The following BANP variants were observed in gnomAD, a reference collection of about 807,000 sequenced individuals.
BANP encodes BTG3 associated nuclear protein.
A neutral mutation model predicts 68.1 loss-of-function variants in BANP; 11 were observed. That is an observed-to-expected ratio of 0.16 (90% CI 0.10 to 0.27). The LOEUF is 0.27. Ranked by LOEUF, BANP falls within the 10% of genes least tolerant of loss-of-function variation. The probability of loss-of-function intolerance (pLI) is 1.00; values close to 1 mark genes in which losing one functional copy is unlikely to be tolerated. For missense variants in BANP, 504 were observed against 722.7 expected, an observed-to-expected ratio of 0.70 and a Z score of 3.47; for synonymous variants, 329 against 303.2, an observed-to-expected ratio of 1.09 and a Z score of -0.88.
At chr16:87,954,349 C>A (rs1210224747) in intron 1 of BANP, among the ~76,000 whole-genome samples, 1 of 152,212 alleles carries the variant, frequency 6.6e-6, no homozygotes, top group Non-Finnish European at 1.5e-5. Flanking sequence ...TTCTTCCCAG[C>A]TCTCCTTTGT....
At chr16:88,072,250 G>A in intron 13 of BANP, 38 bp downstream of exon 13, 1 of 1,570,772 alleles carries the variant, frequency 6.4e-7, no homozygotes, top group Non-Finnish European at 8.6e-7. Context: ...CTGAAGTGAT[G>A]GCATGGCCGC....
intron 4 of BANP, among the ~76,000 whole-genome samples, chr16:87,987,169 C>G (rs1221424276): frequency 6.6e-6 from 1 of 152,238 alleles, no homozygotes; most frequent in East Asian, 1.9e-4. Flanking sequence ...ACCTCTGCCT[C>G]CCAGGCTCAA....
chr16:87,985,952 A>G (rs1337464906), intron 4 of BANP, among the ~76,000 whole-genome samples: 4 of 152,250 alleles, frequency 2.6e-5, no homozygotes, highest in African/African-American at 9.6e-5. Context: ...ATAGAGTAAG[A>G]TTCTGAGTTC....
chr16:87,992,243 A>C (rs1344182324), intron 4 of BANP, among the ~76,000 whole-genome samples: 1 of 152,060 alleles, frequency 6.6e-6, no homozygotes, highest in Non-Finnish European at 1.5e-5. Flanking sequence ...CTTTTGCTAT[A>C]CTGATCAGTT....
intron 1 of BANP, among the ~76,000 whole-genome samples, chr16:87,967,516 C>T (rs1336774912): frequency 1.3e-5 from 2 of 151,960 alleles, no homozygotes; most frequent in Non-Finnish European, 2.9e-5. Context: ...AGTGTAGTGG[C>T]ACTATCTCAG....
chr16:88,056,205 T>G (rs939498206), intron 11 of BANP, among the ~76,000 whole-genome samples: 3 of 152,246 alleles, frequency 2.0e-5, no homozygotes, highest in African/African-American at 7.2e-5. Flanking sequence ...TCTGAGAGTG[T>G]GGAGTGGCTG....
intron 4 of BANP, among the ~76,000 whole-genome samples, chr16:87,985,437 T>G (rs1163842700): frequency 6.6e-6 from 1 of 152,122 alleles, no homozygotes; most frequent in Non-Finnish European, 1.5e-5. Context: ...GTGTCCTCTG[T>G]GCAGGGACGC....
chr16:88,020,464 G>T (rs2075801948), intron 7 of BANP, among the ~76,000 whole-genome samples: 1 of 151,976 alleles, frequency 6.6e-6, no homozygotes, highest in Admixed American at 6.5e-5. Context: ...TGTGGAGTGC[G>T]TTGAGATATA....
intron 13 of BANP, among the ~76,000 whole-genome samples, chr16:88,072,912 C>G (rs1328909683): frequency 3.9e-5 from 6 of 152,276 alleles, no homozygotes; most frequent in African/African-American, 1.4e-4. Flanking sequence ...TACCTCCAGC[C>G]TGGTGGTTGG....
chr16:88,039,591 A>T (rs572516768), intron 11 of BANP, among the ~76,000 whole-genome samples: 1 of 142,172 alleles, frequency 7.0e-6, no homozygotes, highest in South Asian at 2.4e-4. Context: ...TTAAAGACAG[A>T]ACCAGCCTTT....
intron 4 of BANP, among the ~76,000 whole-genome samples, chr16:87,994,028 T>C (rs2066551408): frequency 6.6e-6 from 1 of 152,042 alleles, no homozygotes; most frequent in Non-Finnish European, 1.5e-5. Flanking sequence ...GATGCGGTGT[T>C]TGGAGGGCCC....
At chr16:87,980,388 A>G (rs2146011517) in intron 2 of BANP, 1 of 152,442 alleles carries the variant, frequency 6.6e-6, no homozygotes, top group African/African-American at 2.4e-5. Context: ...TCAGTTTTAG[A>G]GAAAAGGAAG....
intron 4 of BANP, among the ~76,000 whole-genome samples, chr16:87,986,937 T>C (rs1001529028): frequency 6.6e-6 from 1 of 152,172 alleles, no homozygotes; most frequent in Non-Finnish European, 1.5e-5. Flanking sequence ...ATTATTAATA[T>C]TGCTAATAAA....
rs111350348 is a variant in BANP at position 88,072,203 on chromosome 16, C to T, written c.1512C>T (p.Ala504=). Residue 504 remains alanine (A), a synonymous_variant, in exon 13 of 14, where the codon GCC becomes GCT. Transcript: ENST00000682872. ...VQLAPVSDHT[A]GAQTAEALQP... Reference sequence around the variant, plus strand: ...TGGCGCCAGTGAGTGACCACACGGCCGGGGCACAGGTGAGTCTGGGGCCCC... The same window carrying T: ...TGGCGCCAGTGAGTGACCACACGGCTGGGGCACAGGTGAGTCTGGGGCCCC... The T allele has an allele frequency of 1.8e-5, 29 of 1,609,834 alleles. No homozygotes were observed. Among genetic ancestry groups the T allele is most frequent in the Admixed American group, 8.3e-5 (5 of 59,920 alleles).
In BANP at chr16:88,018,261, A is replaced by G. The variant is rs2075053373; in HGVS notation, c.656-167A>G. Among the ~76,000 whole-genome samples the G allele has an allele frequency of 6.6e-6, 1 of 151,994 alleles. No homozygotes were observed. Among genetic ancestry groups the G allele is most frequent in the Admixed American group, 6.5e-5 (1 of 15,270 alleles). ...CCGCGTCAGTTCTTTCTTGGGCAGC[A>G]GTCGGAGGCTCCAGCGCTCTTGGTG... On this transcript the variant is annotated intron_variant, in intron 6 of 13. Coordinates refer to ENST00000682872, the MANE Select transcript of BANP (RefSeq NM_001386991.1). The surrounding 1 kb of genome is among the most constrained non-coding windows in gnomAD (Gnocchi z 7.7).
Position 88,002,390 on chromosome 16 carries a change from G to A in BANP, c.363-1905G>A, listed in dbSNP as rs1461781324. On this transcript the variant is annotated intron_variant, in intron 4 of 13. Coordinates refer to ENST00000682872, the MANE Select transcript of BANP (RefSeq NM_001386991.1). The surrounding 1 kb of genome is among the most constrained non-coding windows in gnomAD (Gnocchi z 4.6). ...GTGAGGTGCTGGTTTTGTCACGCCC[G>A]TGCTGGTGTTCAGGTGGCCCTGCGC... is the stretch of plus-strand genomic sequence containing the variant. Among the ~76,000 whole-genome samples the A allele has an allele frequency of 1.3e-5, 2 of 152,170 alleles. No homozygotes were observed. The highest frequency in any genetic ancestry group is 4.8e-5 in the African/African-American group (2 of 41,428).
rs111331882 is a variant in BANP, at chr16:88,034,372, G to A, written c.1201-951G>A. ...AGGAGTTTATTTTAAGATCCATTTC[G>A]ACTAAGAGAGAATTTCAAATAAGAT... On this transcript the variant is annotated intron_variant, in intron 9 of 13. Coordinates refer to ENST00000682872, the MANE Select transcript of BANP (RefSeq NM_001386991.1). 4.3e-3 allele frequency among the ~76,000 whole-genome samples: 653 copies of A among 152,224 alleles called. 5 individuals carry two copies. Among genetic ancestry groups the A allele is most frequent in the African/African-American group, 0.014 (589 of 41,528 alleles).
chr16:88,062,671 C>T (rs1331129344), intron 11 of BANP, among the ~76,000 whole-genome samples: 1 of 152,246 alleles, frequency 6.6e-6, no homozygotes, highest in African/African-American at 2.4e-5. Flanking sequence ...GAAGCCAGGA[C>T]ACCGTCCGTT....
chr16:88,068,070 C>T (rs571144022), intron 12 of BANP, among the ~76,000 whole-genome samples: 2 of 152,356 alleles, frequency 1.3e-5, no homozygotes, highest in African/African-American at 4.8e-5. Context: ...TGTGGCCACG[C>T]ACTTCGTTTC....
Sources: allele counts gnomAD v4.1 joint callset (sites outside exome capture counted in the v4.1 genomes callset), GRCh38; gene constraint gnomAD v4.1.1; non-coding constraint Gnocchi (gnomAD v3.1); transcripts MANE v1.5; gene names NCBI Gene and HGNC (gene_info 2026-07-23, HGNC 2026-07-21).